ZFHX3: variants seen among roughly 807,000 people sequenced by gnomAD.
ZFHX3 encodes the protein zinc finger homeobox protein 3.
Under a neutral mutation model 279.1 loss-of-function variants are expected in ZFHX3, and 42 were observed. The observed-to-expected ratio is 0.15, with a 90% confidence interval of 0.12 to 0.19. The LOEUF (loss-of-function observed/expected upper bound fraction) is 0.19. Ranked by LOEUF, ZFHX3 falls within the 10% of genes least tolerant of loss-of-function variation. The pLI is 1.00. For missense variants in ZFHX3, 4,981 were observed against 4,754.0 expected (o/e 1.05, Z -1.40); for synonymous variants, 2,293 against 1,957.8 (o/e 1.17, Z -4.52).
At chr16:73,048,781 GA>G (rs1965393594), upstream of ZFHX3, among the ~76,000 whole-genome samples, 3 of 152,224 alleles carry the variant, frequency 2.0e-5, no homozygotes, top group Admixed American at 2.0e-4. Flanking sequence ...TTCAGTTGCA[GA>G]AACTTATAAA....
intron 2 of ZFHX3, among the ~76,000 whole-genome samples, chr16:73,471,762 C>CA (rs2018672805): frequency 6.6e-6 from 1 of 152,170 alleles, no homozygotes; most frequent in South Asian, 2.1e-4. Flanking sequence ...GAGAAGAACT[C>CA]ACATAAAGGA....
At chr16:73,425,311 C>G (rs920094582) in intron 3 of ZFHX3, among the ~76,000 whole-genome samples, 1 of 152,192 alleles carries the variant, frequency 6.6e-6, no homozygotes, top group African/African-American at 2.4e-5. Context: ...GGTACCCAGA[C>G]AGCTCGGCCC....
Position 72,994,825 on chromosome 16 carries a change from T to C in ZFHX3, c.-49-34631A>G, listed in dbSNP as rs796454896. 3.9e-5 allele frequency among the ~76,000 whole-genome samples: 6 copies of C among 152,368 alleles called. 1 individual carries two copies. Among genetic ancestry groups the C allele is most frequent in the African/African-American group, 1.4e-4 (6 of 41,596 alleles). On this transcript the variant is annotated intron_variant, in intron 1 of 9. Coordinates refer to ENST00000268489, the MANE Select transcript of ZFHX3 (RefSeq NM_006885.4). ...GCGGGGGTGTTTCCTAAAATTATTC[T>C]CTTGGCAGGTTTCAAGGTAAATCAT...
At chr16:73,613,450 G>C (rs112386168) in intron 2 of ZFHX3, among the ~76,000 whole-genome samples, 1 of 125,302 alleles carries the variant, frequency 8.0e-6, no homozygotes, top group African/African-American at 2.7e-5. Context: ...TTTTTTGTTT[G>C]TTTGTTTTTT....
intron 1 of ZFHX3, among the ~76,000 whole-genome samples, chr16:73,787,351 G>C (rs915095144): frequency 6.6e-6 from 1 of 152,164 alleles, no homozygotes; most frequent in African/African-American, 2.4e-5. Context: ...ATGCACTCAG[G>C]AATCTGTATG....
intron 5 of ZFHX3, among the ~76,000 whole-genome samples, chr16:73,247,613 C>G (rs1281201856): frequency 1.7e-5 from 2 of 116,528 alleles, no homozygotes; most frequent in African/African-American, 6.8e-5. Context: ...TGTATATGTA[C>G]CTGTATGTGG....
At chr16:72,972,361 A>G (rs1962145317) in intron 1 of ZFHX3, among the ~76,000 whole-genome samples, 3 of 152,142 alleles carry the variant, frequency 2.0e-5, no homozygotes, top group African/African-American at 7.2e-5. Context: ...CCAGTTCAGA[A>G]GATGTTCTCT....
chr16:73,321,804 G>C (rs1015521482), intron 3 of ZFHX3, among the ~76,000 whole-genome samples: 1 of 152,090 alleles, frequency 6.6e-6, no homozygotes, highest in East Asian at 1.9e-4. Context: ...AAGGGTAGGC[G>C]GGTGTCTCTT....
At chr16:73,274,906 C>A (rs1261090347) in intron 4 of ZFHX3, among the ~76,000 whole-genome samples, 1 of 151,984 alleles carries the variant, frequency 6.6e-6, no homozygotes, top group African/African-American at 2.4e-5. Flanking sequence ...GGATAGATAC[C>A]CTTTATTGGT....
chr16:72,903,824 C>T (rs922127792), intron 3 of ZFHX3, among the ~76,000 whole-genome samples: 68 of 152,132 alleles, frequency 4.5e-4, no homozygotes, highest in African/African-American at 1.6e-3. Flanking sequence ...AATAAATATA[C>T]CGCTAGAAAG....
chr16:73,838,964 G>A (rs936474393), intron 1 of ZFHX3, among the ~76,000 whole-genome samples: 1 of 152,048 alleles, frequency 6.6e-6, no homozygotes, highest in Non-Finnish European at 1.5e-5. Context: ...GGGAGATCAA[G>A]GAAGAACCAG....
At chr16:72,790,118 A>T (rs2035633397) in intron 9 of ZFHX3, 1 of 152,324 alleles carries the variant, frequency 6.6e-6, no homozygotes, top group Non-Finnish European at 1.5e-5. Flanking sequence ...TCCTGGTTTG[A>T]GTCACCAGGT....
intron 2 of ZFHX3, among the ~76,000 whole-genome samples, chr16:73,514,419 T>G (rs1225090205): frequency 6.6e-6 from 1 of 152,218 alleles, no homozygotes; most frequent in Non-Finnish European, 1.5e-5. Context: ...CTAGGCATTT[T>G]ATACATATTT....
At chr16:73,466,716 C>A (rs149370933) in intron 2 of ZFHX3, among the ~76,000 whole-genome samples, 1 of 152,256 alleles carries the variant, frequency 6.6e-6, no homozygotes, top group East Asian at 1.9e-4. Flanking sequence ...TGGCAGTGTT[C>A]ATCAAACTAA....
At chr16:72,799,707 A>T (rs1389741036) in intron 8 of ZFHX3, among the ~76,000 whole-genome samples, 2 of 152,232 alleles carry the variant, frequency 1.3e-5, no homozygotes, top group Non-Finnish European at 2.9e-5. Context: ...ACAGTGTTTA[A>T]TGGCTTAGAA....
intron 8 of ZFHX3, among the ~76,000 whole-genome samples, chr16:73,077,573 T>A (rs779661129): frequency 6.6e-6 from 1 of 151,910 alleles, no homozygotes; most frequent in Non-Finnish European, 1.5e-5. Flanking sequence ...AAAAGGCATA[T>A]CTACTAGTGT....
chr16:73,245,905 C>T (rs968745086), intron 5 of ZFHX3, among the ~76,000 whole-genome samples: 1 of 152,046 alleles, frequency 6.6e-6, no homozygotes, highest in Non-Finnish European at 1.5e-5. Context: ...GGTCTGGGAA[C>T]CTTAAGAGGG....
chr16:73,564,185 T>C (rs967503666), intron 2 of ZFHX3, among the ~76,000 whole-genome samples: 2 of 152,132 alleles, frequency 1.3e-5, no homozygotes, highest in African/African-American at 2.4e-5. Context: ...CTGGGTTTGG[T>C]TCAGCCTCTC....
At chr16:73,439,332 A>C (rs1488681581) in intron 3 of ZFHX3, among the ~76,000 whole-genome samples, 2 of 152,066 alleles carry the variant, frequency 1.3e-5, no homozygotes, top group Non-Finnish European at 2.9e-5. Flanking sequence ...CTGTTTTTTC[A>C]TGCCAGCTTT....
Sources: gnomAD v4.1 joint callset for allele counts (sites outside exome capture counted in the v4.1 genomes callset) on GRCh38, gnomAD v4.1.1 for gene constraint, MANE v1.5 for transcripts, NCBI Gene and HGNC (gene_info 2026-07-23, HGNC 2026-07-21) for gene names.